The following PRICKLE2 variants were observed in gnomAD, a reference collection of about 807,000 sequenced individuals.
PRICKLE2 encodes prickle-like protein 2.
PRICKLE2 carries 21 observed loss-of-function variants against 81.4 expected under a neutral mutation model. The ratio of observed to expected loss-of-function variants is 0.26; its 90% CI spans 0.18 to 0.37. The LOEUF (loss-of-function observed/expected upper bound fraction) is 0.37, where lower values mean the gene tolerates loss of function less well. Among genes scored for constraint, PRICKLE2 ranks in the 10% least tolerant of loss-of-function variants. The pLI is 1.00. For synonymous variants in PRICKLE2, 456 were observed against 421.5 expected, an observed-to-expected ratio of 1.08 and a Z score of -1.00; for missense variants, 940 against 1,109.0, an observed-to-expected ratio of 0.85 and a Z score of 2.16.
At chr3:64,239,280 A>G (rs1575703301) in intron 2 of PRICKLE2, among the ~76,000 whole-genome samples, 1 of 152,186 alleles carries the variant, frequency 6.6e-6, no homozygotes, top group East Asian at 1.9e-4. Context: ...TGCTCAACTC[A>G]TCACAGCTGG....
At chr3:64,136,393 C>G (rs940731721) in intron 7 of PRICKLE2, among the ~76,000 whole-genome samples, 3 of 150,680 alleles carry the variant, frequency 2.0e-5, no homozygotes, top group African/African-American at 7.3e-5. Context: ...ATTGCTGAGT[C>G]TGAGCCCTGA....
chr3:64,185,816 G>A (rs2078219954), intron 2 of PRICKLE2, among the ~76,000 whole-genome samples: 1 of 152,140 alleles, frequency 6.6e-6, no homozygotes, highest in South Asian at 2.1e-4. Context: ...TCACATGCAA[G>A]TATACAATTT....
chr3:64,268,116 G>A (rs1399921638), intron 2 of PRICKLE2: 1 of 152,286 alleles, frequency 6.6e-6, no homozygotes, highest in East Asian at 1.9e-4. Context: ...CAGCTGCTCT[G>A]TGCGCAGCTC....
intron 7 of PRICKLE2, among the ~76,000 whole-genome samples, chr3:64,118,237 A>G (rs2076969742): frequency 6.6e-6 from 1 of 152,226 alleles, no homozygotes; most frequent in African/African-American, 2.4e-5. Context: ...CTAAACTATA[A>G]AAACCTTGAA....
In PRICKLE2 at chr3:64,147,665, G is replaced by T; in HGVS notation, c.825C>A (p.His275Gln). The T allele has an allele frequency of 6.2e-7, 1 of 1,613,998 alleles. No individual in the cohort carries two copies. The highest frequency in any genetic ancestry group is 8.5e-7 in the Non-Finnish European group (1 of 1,180,032). ...DQGQMTYDGQ[H>Q]WHATETCFCC... Reference sequence around the variant, plus strand: ...AGAAACAGGTCTCAGTGGCATGCCAGTGTTGGCCATCATAGGTCATTTGAC... The same window carrying T: ...AGAAACAGGTCTCAGTGGCATGCCATTGTTGGCCATCATAGGTCATTTGAC... Residue 275 changes from histidine to glutamine, a missense_variant, in exon 7 of 8, where the codon CAC (histidine) becomes CAA (glutamine). By Grantham distance (24) the His-to-Gln change is conservative. Transcript: ENST00000638394. The surrounding 1 kb of genome is among the most constrained non-coding windows in gnomAD (Gnocchi z 5.0).
intron 7 of PRICKLE2, among the ~76,000 whole-genome samples, chr3:64,134,990 G>A (rs977473329): frequency 1.3e-5 from 2 of 152,160 alleles, no homozygotes; most frequent in Non-Finnish European, 1.5e-5. Flanking sequence ...CCCTAGCAAG[G>A]TATGAGCTGC....
chr3:64,216,031 G>T (rs1325603309), intron 1 of PRICKLE2, among the ~76,000 whole-genome samples: 2 of 152,222 alleles, frequency 1.3e-5, no homozygotes, highest in African/African-American at 4.8e-5. Flanking sequence ...TCTACAGAAT[G>T]GAAGAAAATC....
At chr3:64,210,528 C>G (rs982664564) in intron 1 of PRICKLE2, among the ~76,000 whole-genome samples, 25 of 152,180 alleles carry the variant, frequency 1.6e-4, no homozygotes, top group Admixed American at 1.6e-3. Context: ...TCCCTCCCTT[C>G]CGGCTGGGCT....
chr3:64,236,334 A>G (rs998534715), intron 2 of PRICKLE2, among the ~76,000 whole-genome samples: 2 of 152,200 alleles, frequency 1.3e-5, no homozygotes, highest in South Asian at 4.1e-4. Context: ...TAAAGAAATG[A>G]AAGAAGAAAT....
At chr3:64,150,526 C>T (rs1026557315) in intron 6 of PRICKLE2, among the ~76,000 whole-genome samples, 2 of 152,048 alleles carry the variant, frequency 1.3e-5, no homozygotes, top group African/African-American at 4.8e-5. Flanking sequence ...TCTCTCCTGC[C>T]CTCTCCCACC....
chr3:64,156,674 T>A (rs989436069), intron 5 of PRICKLE2, among the ~76,000 whole-genome samples: 1 of 152,180 alleles, frequency 6.6e-6, no homozygotes, highest in Non-Finnish European at 1.5e-5. Context: ...CTGAATTTTT[T>A]TTTCACTCAG....
At chr3:64,176,516 C>T (rs1373389253) in intron 2 of PRICKLE2, among the ~76,000 whole-genome samples, 7 of 152,254 alleles carry the variant, frequency 4.6e-5, no homozygotes, top group African/African-American at 1.4e-4. Flanking sequence ...AATTCTAGGA[C>T]CAATTCAAGT....
intron 7 of PRICKLE2, among the ~76,000 whole-genome samples, chr3:64,127,064 C>G (rs530726318): frequency 2.0e-5 from 3 of 152,292 alleles, no homozygotes; most frequent in Admixed American, 6.5e-5. Flanking sequence ...AGTTCCTGCC[C>G]TTAAGGAGCA....
At chr3:64,163,205 A>G in intron 2 of PRICKLE2, 76 bp from the exon 3 acceptor site, 2 of 884,882 alleles carry the variant, frequency 2.3e-6, no homozygotes, top group South Asian at 2.6e-5. Flanking sequence ...TGGGAAGATG[A>G]TTCCCCCAGC....
rs1445928185 is a variant in PRICKLE2 at position 64,147,520 on chromosome 3, A to G, written c.970T>C (p.Ser324Pro). ...TTGGCCCTGGCGTTCTGGAAGGCGG[A>G]ATCAGAGGAGTCAGAACCATTGGGG... is the stretch of plus-strand genomic sequence containing the variant. Reference protein sequence around the residue: ...EDPNGSDSSDSAFQNARAKES... With the variant: ...EDPNGSDSSDPAFQNARAKES... The change falls in exon 7 of 8, where the codon TCC becomes CCC. Residue 324 changes from serine to proline, a missense_variant. Physicochemically the swap from Ser to Pro is moderately conservative, Grantham distance 74. Around this residue, in one of 2 missense-constraint regions of PRICKLE2, gnomAD observed 670 missense variants for 717.2 expected, o/e 0.93. Coordinates refer to ENST00000638394, the MANE Select transcript of PRICKLE2 (RefSeq NM_198859.4). This position sits in a 1 kb window ranked among gnomAD's most constrained non-coding sequence, Gnocchi z 5.0. The G allele has an allele frequency of 6.2e-7, 1 of 1,614,224 alleles. No individual in the cohort carries two copies. The highest frequency in any genetic ancestry group is 1.3e-5 in the African/African-American group (1 of 75,062).
chr3:64,189,668 A>T (rs1359226050), intron 2 of PRICKLE2, among the ~76,000 whole-genome samples: 1 of 152,106 alleles, frequency 6.6e-6, no homozygotes, highest in East Asian at 1.9e-4. Context: ...ATTCACGCAA[A>T]CCCTGTTTAT....
chr3:64,114,212 C>A (rs1351393564), intron 7 of PRICKLE2, among the ~76,000 whole-genome samples: 12 of 149,882 alleles, frequency 8.0e-5, no homozygotes, highest in African/African-American at 2.2e-4. Context: ...AAAAAAAAAA[C>A]CATGCAAAGG....
At chr3:64,149,183 C>G (rs1032609203) in intron 6 of PRICKLE2, among the ~76,000 whole-genome samples, 1 of 152,178 alleles carries the variant, frequency 6.6e-6, no homozygotes, top group Non-Finnish European at 1.5e-5. Context: ...CATCTCTGCC[C>G]TCTTCTGGTT....
intron 1 of PRICKLE2, among the ~76,000 whole-genome samples, chr3:64,204,828 C>T (rs141471496): frequency 1.3e-5 from 2 of 152,038 alleles, no homozygotes; most frequent in Non-Finnish European, 2.9e-5. Context: ...AATTTAATAA[C>T]CTCCATGTAT....
Sources: gnomAD v4.1 joint callset for allele counts (sites outside exome capture counted in the v4.1 genomes callset) on GRCh38, gnomAD v4.1.1 for gene constraint, gnomAD v4.1.1 regional missense constraint, Gnocchi (gnomAD v3.1) non-coding constraint, MANE v1.5 for transcripts, NCBI Gene and HGNC (gene_info 2026-07-23, HGNC 2026-07-21) for gene names.